The following UBE2D3 variants were observed in gnomAD, a reference collection of about 807,000 sequenced individuals.
UBE2D3 encodes ubiquitin-conjugating enzyme E2 D3.
UBE2D3 carries 2 observed loss-of-function variants against 22.8 expected under a neutral mutation model. That is an observed-to-expected ratio of 0.09 (90% CI 0.04 to 0.28). The LOEUF (loss-of-function observed/expected upper bound fraction) is 0.28. UBE2D3 is among the 10% of genes least tolerant of loss of function. The pLI is 1.00. For missense variants in UBE2D3, 27 were observed against 182.5 expected, an observed-to-expected ratio of 0.15 and a Z score of 4.91; for synonymous variants, 56 against 60.4, an observed-to-expected ratio of 0.93 and a Z score of 0.34.
chr4:102,803,648 A>T (rs755781056), intron 4 of UBE2D3, among the ~76,000 whole-genome samples: 132 of 152,266 alleles, frequency 8.7e-4, no homozygotes, highest in Middle Eastern at 3.2e-3. Flanking sequence ...AGACATGTAA[A>T]GTAACTGCAA....
chr4:102,827,940 T>G (rs1730849739), upstream of UBE2D3: 1 of 985,534 alleles, frequency 1.0e-6, no homozygotes, highest in Non-Finnish European at 1.2e-6. Flanking sequence ...CCCAGTTTCC[T>G]CACTTGGTAT....
chr4:102,852,849 A>G (rs542816104), intron 1 of UBE2D3, among the ~76,000 whole-genome samples: 1 of 152,336 alleles, frequency 6.6e-6, no homozygotes, highest in African/African-American at 2.4e-5. Context: ...CATTTATGCC[A>G]GCTATCTATA....
Position 102,852,558 on chromosome 4 carries a change from A to G in UBE2D3, c.-129+16157T>C, listed in dbSNP as rs557650874. 1.4e-4 allele frequency among the ~76,000 whole-genome samples: 22 copies of G among 152,310 alleles called. No homozygotes were observed. The South Asian group carries it at 1.9e-3, about 13-fold the overall frequency. ...CTCCATCTTTTTCTCATTTAGCAAT[A>G]TCTGGAAATGACAACTCATACAACT... On this transcript the variant is annotated intron_variant, in intron 1 of 7. Transcript: ENST00000338145.
intron 1 of UBE2D3, among the ~76,000 whole-genome samples, chr4:102,849,364 C>CAA (rs55874314): frequency 0.025 from 1,594 of 62,968 alleles, 31 homozygotes; most frequent in Non-Finnish European, 0.027. Context: ...ACCCCTGTCT[C>CAA]AAAAAAAAAA....
rs553941194 is a variant in UBE2D3 at position 102,833,581 on chromosome 4, A to C, written c.-128-6945T>G. Among the ~76,000 whole-genome samples, 87 of 152,364 alleles carry C rather than the reference A, an allele frequency of 5.7e-4. 2 individuals are homozygous for C. Among genetic ancestry groups the C allele is most frequent in the Admixed American group, 9.1e-4 (14 of 15,302 alleles). On this transcript the variant is annotated intron_variant, in intron 1 of 7. Transcript: ENST00000338145. Reference sequence around the variant, plus strand: ...AAAGAATTTAGTTTGATGTAGATAGAGATTATAACAATCCTTTTGTCACAT... The same window carrying C: ...AAAGAATTTAGTTTGATGTAGATAGCGATTATAACAATCCTTTTGTCACAT...
At chr4:102,803,990 C>T (rs1051077339) in intron 4 of UBE2D3, among the ~76,000 whole-genome samples, 16 of 152,020 alleles carry the variant, frequency 1.1e-4, no homozygotes, top group Non-Finnish European at 2.1e-4. Flanking sequence ...GCTAGTCTTG[C>T]GGCCTCCTGA....
At chr4:102,826,679 A>C in intron 1 of UBE2D3, 43 bp from the exon 2 acceptor site, 2 of 1,503,562 alleles carry the variant, frequency 1.3e-6, no homozygotes, top group South Asian at 2.6e-5. Context: ...ACAGGCCCCG[A>C]AGAGCCCCTG....
chr4:102,814,457 CTTT>C (rs574701413), intron 2 of UBE2D3, among the ~76,000 whole-genome samples: 22,775 of 119,262 alleles, frequency 0.19, 1,868 homozygotes, highest in African/African-American at 0.33. Flanking sequence ...CCTGGCTATT[CTTT>C]TTTTTTTTTT....
chr4:102,810,380 T>A (rs1727762911), intron 2 of UBE2D3: 1 of 150,924 alleles, frequency 6.6e-6, no homozygotes, highest in Non-Finnish European at 1.5e-5. Context: ...CTTTTTTTTT[T>A]TTTTTAAACT....
intron 2 of UBE2D3, among the ~76,000 whole-genome samples, chr4:102,824,673 G>A (rs1730178239): frequency 1.3e-5 from 2 of 152,026 alleles, no homozygotes; most frequent in African/African-American, 2.4e-5. Context: ...TGACCTGTAA[G>A]AGAAAAAAAA....
At chr4:102,836,402 C>T (rs1342960218) in intron 1 of UBE2D3, among the ~76,000 whole-genome samples, 1 of 152,146 alleles carries the variant, frequency 6.6e-6, no homozygotes, top group African/African-American at 2.4e-5. Context: ...TCAGCTCAGC[C>T]TCCCAAAGTG....
chr4:102,834,387 T>C (rs72931886), intron 1 of UBE2D3, among the ~76,000 whole-genome samples: 283 of 152,260 alleles, frequency 1.9e-3, no homozygotes, highest in African/African-American at 6.6e-3. Flanking sequence ...CATTTGATCC[T>C]GGTTTCCCTC....
intron 1 of UBE2D3, among the ~76,000 whole-genome samples, chr4:102,842,029 A>G (rs1033543414): frequency 6.6e-6 from 1 of 152,144 alleles, no homozygotes; most frequent in African/African-American, 2.4e-5. Context: ...GGATATCTCT[A>G]TTAAACTGTG....
At chr4:102,868,365 G>A (rs1733272372) in intron 1 of UBE2D3, among the ~76,000 whole-genome samples, 1 of 152,064 alleles carries the variant, frequency 6.6e-6, no homozygotes, top group Non-Finnish European at 1.5e-5. Flanking sequence ...ACCGCGCCCG[G>A]CCAGCTTTGG....
upstream of UBE2D3, chr4:102,827,630 C>G (rs938978302): frequency 4.1e-6 from 4 of 986,772 alleles, no homozygotes; most frequent in African/African-American, 5.2e-5. Flanking sequence ...ACGCCGCCGT[C>G]CCGAGCACAA....
At chr4:102,868,509 T>C (rs1236280055) in intron 1 of UBE2D3, among the ~76,000 whole-genome samples, 1 of 152,206 alleles carries the variant, frequency 6.6e-6, no homozygotes, top group Non-Finnish European at 1.5e-5. Flanking sequence ...GGGGCAGAGA[T>C]GTAAACAGTT....
chr4:102,813,326 G>T (rs781074928), intron 2 of UBE2D3, among the ~76,000 whole-genome samples: 1 of 152,150 alleles, frequency 6.6e-6, no homozygotes, highest in Non-Finnish European at 1.5e-5. Flanking sequence ...AGCTGGAGTT[G>T]CAGGTACGCA....
intron 7 of UBE2D3, among the ~76,000 whole-genome samples, chr4:102,798,397 C>A (rs991568212): frequency 6.6e-6 from 1 of 150,728 alleles, no homozygotes; most frequent in South Asian, 2.1e-4. Context: ...TTAAAAAGTT[C>A]TTTCTACCAA....
intron 1 of UBE2D3, among the ~76,000 whole-genome samples, chr4:102,859,983 C>G (rs1168828738): frequency 6.6e-6 from 1 of 151,854 alleles, no homozygotes; most frequent in Non-Finnish European, 1.5e-5. Context: ...GTAGCTGGGA[C>G]TACAGGCACC....
Sources: gnomAD v4.1 joint callset for allele counts (sites outside exome capture counted in the v4.1 genomes callset) on GRCh38, gnomAD v4.1.1 for gene constraint, MANE v1.5 for transcripts, NCBI Gene and HGNC (gene_info 2026-07-23, HGNC 2026-07-21) for gene names.